Variants in PIGR observed in about 807,000 individuals in gnomAD.
The protein encoded by PIGR is hepatocellular carcinoma associated protein TB6.
In PIGR, 22 loss-of-function variants were observed where a neutral mutation model predicts 69.5. The observed-to-expected ratio is 0.32, with a 90% CI of 0.23 to 0.45. The LOEUF is 0.45. PIGR is among the 20% of genes least tolerant of loss of function. The pLI is 1.00. For missense variants in PIGR, 885 were observed against 974.0 expected (o/e 0.91, Z 1.22); for synonymous variants, 413 against 407.6 (o/e 1.01, Z -0.16).
chr1:206,933,219 C>T, intron 6 of PIGR, 53 bp from the exon 7 acceptor site: 1 of 1,577,100 alleles, frequency 6.3e-7, no homozygotes, highest in Non-Finnish European at 8.7e-7. Context: ...TGCTCTTACT[C>T]CTCGAGGTGA....
chr1:206,938,215 T>A (rs1281606212), intron 3 of PIGR, among the ~76,000 whole-genome samples: 2 of 151,942 alleles, frequency 1.3e-5, no homozygotes, highest in Non-Finnish European at 2.9e-5. Context: ...ATTACAAGAG[T>A]CTAAATGTGA....
At chr1:206,944,988 C>T (rs544674980) in intron 1 of PIGR, among the ~76,000 whole-genome samples, 1 of 152,274 alleles carries the variant, frequency 6.6e-6, no homozygotes, top group Admixed American at 6.5e-5. Context: ...AAGCCCAGGG[C>T]AAGTGGGTTT....
chr1:206,930,917 C>A lies in PIGR; in HGVS notation c.2200-504G>T. The stretch of plus-strand genomic sequence containing the variant: ...ACAACAACAACAAAAACTCTCACCT[C>A]GGGATTAAAGGCATGAGATGTTATT... On this transcript the variant is annotated intron_variant, in intron 10 of 10. Transcript: ENST00000356495. This position sits in a 1 kb window ranked among gnomAD's most constrained non-coding sequence, Gnocchi z 4.3. 1.0e-6 allele frequency: 1 copy of A among 985,408 alleles called. No individual in the cohort carries two copies. The highest frequency in any genetic ancestry group is 1.2e-6 in the Non-Finnish European group (1 of 829,924). 61.0% of individuals were successfully genotyped at this position (985,408 alleles called of 1,614,324 possible).
At chr1:206,932,683 C>A in intron 7 of PIGR, 106 bp from the exon 8 acceptor site, 1 of 1,335,000 alleles carries the variant, frequency 7.5e-7, no homozygotes. Flanking sequence ...TTTATCCACC[C>A]CACCCTGCTG....
chr1:206,933,271 G>T, intron 6 of PIGR, 105 bp from the exon 7 acceptor site: 1 of 1,181,494 alleles, frequency 8.5e-7, no homozygotes, highest in Non-Finnish European at 1.2e-6. Flanking sequence ...CAGGGTCAGG[G>T]TTCGATCTCA....
At chr1:206,932,834 C>T in intron 7 of PIGR, 152 bp downstream of exon 7, 1 of 827,424 alleles carries the variant, frequency 1.2e-6, no homozygotes, top group South Asian at 1.7e-5. Context: ...GCAGAGGGTA[C>T]CATAGGACCC....
chr1:206,934,563 T>C lies in PIGR; in HGVS notation c.1562A>G (p.Asp521Gly). ...CAGGGAGACAAGCCGGCTGTTCTCG[T>C]CACAGTTCACGAAGGCCTTGCTGGG... The part of the protein sequence containing the change: ...EGPSKAFVNC[D>G]ENSRLVSLTL... The change falls in exon 6 of 11, where the codon GAC becomes GGC. Residue 521 changes from aspartate (D) to glycine (G), a missense_variant. Physicochemically the swap from Asp to Gly is moderately conservative, Grantham distance 94. Coordinates refer to ENST00000356495, the MANE Select transcript of PIGR (RefSeq NM_002644.4). 1.9e-6 allele frequency: 3 copies of C among 1,614,258 alleles called. No homozygotes were observed. The highest frequency in any genetic ancestry group is 2.5e-6 in the Non-Finnish European group (3 of 1,180,044).
At chr1:206,942,299 G>A (rs1680002772) in intron 1 of PIGR, among the ~76,000 whole-genome samples, 1 of 152,214 alleles carries the variant, frequency 6.6e-6, no homozygotes, top group African/African-American at 2.4e-5. Context: ...AAGCAATCAG[G>A]GGACACTAGC....
At position 206,937,443 on chromosome 1, in the gene PIGR, C is replaced by T. The variant is rs1367306931; in HGVS notation, c.697G>A (p.Ala233Thr). The T allele has an allele frequency of 4.3e-6, 7 of 1,614,170 alleles. No individual in the cohort carries two copies. The South Asian group carries it at 5.5e-5, about 13-fold the overall frequency. The change falls in exon 4 of 11, where the codon GCT (alanine) becomes ACT (threonine). Residue 233 changes from alanine to threonine, a missense_variant. Coordinates refer to ENST00000356495, the MANE Select transcript of PIGR (RefSeq NM_002644.4). ...TCGGGCTTTAGCACTTGGAGGTCAG[C>T]ATTCTTCTTATTACTATTGGAATCA... ...GDDSNSNKKN[A>T]DLQVLKPEPE...
At position 206,930,475 on chromosome 1, in the gene PIGR, G is replaced by T; in HGVS notation, c.2200-62C>A. The T allele has an allele frequency of 6.4e-7, 1 of 1,551,494 alleles. No individual in the cohort carries two copies. Among genetic ancestry groups the T allele is most frequent in the Non-Finnish European group, 8.7e-7 (1 of 1,149,048 alleles). Reference sequence around the variant, plus strand: ...ACTGGCTCAGTGGGTGGAGTCAGGGGAGGGGAGGTGCTTAATGTCCTGAAT... The same window carrying T: ...ACTGGCTCAGTGGGTGGAGTCAGGGTAGGGGAGGTGCTTAATGTCCTGAAT... On this transcript the variant is annotated intron_variant, in intron 10 of 10. Coordinates refer to ENST00000356495, the MANE Select transcript of PIGR (RefSeq NM_002644.4). The surrounding 1 kb of genome is among the most constrained non-coding windows in gnomAD (Gnocchi z 4.3).
At chr1:206,931,583 C>T in intron 9 of PIGR, 28 bp from the exon 10 acceptor site, 1 of 1,613,674 alleles carries the variant, frequency 6.2e-7, no homozygotes, top group Non-Finnish European at 8.5e-7. Flanking sequence ...GTAGGTTAGC[C>T]CTTACTAGCC....
chr1:206,939,917 T>A (rs1558015287), intron 2 of PIGR, among the ~76,000 whole-genome samples: 1 of 152,226 alleles, frequency 6.6e-6, no homozygotes, highest in East Asian at 1.9e-4. Context: ...ACAAGGTTTC[T>A]CCATGTTGGC....
chr1:206,940,525 G>C lies in PIGR; in HGVS notation c.7C>G (p.Leu3Val). The change falls in exon 2 of 11, where the codon CTC (leucine) becomes GTC (valine). Residue 3 changes from leucine to valine, a missense_variant. Physicochemically the swap from Leu to Val is conservative, Grantham distance 32 (BLOSUM62 1). Transcript: ENST00000356495. ...GCCAGCAGGCAGGTGAGCACGAAGA[G>C]CAGCATTGCTGGTGGGTCCCGAGCG... ML[L>V]FVLTCLLAVF... 6.4e-7 allele frequency: 1 copy of C among 1,551,538 alleles called. No individual in the cohort carries two copies. The highest frequency in any genetic ancestry group is 8.7e-7 in the Non-Finnish European group (1 of 1,146,940).
chr1:206,938,053 T>A (rs176704), intron 3 of PIGR, among the ~76,000 whole-genome samples: 31,815 of 152,212 alleles, frequency 0.21, 8,424 homozygotes, highest in African/African-American at 0.62. Flanking sequence ...CCTTGAAGGC[T>A]GGAACATGTT....
rs772941193 is a variant in PIGR at position 206,937,289 on chromosome 1, T to C, written c.851A>G (p.Asn284Ser). ...GGCTGGGGCCCTCTTCCCCAGGGTGTTGACGACCACGTCACAGTTTTCCCC... is the reference window on the plus strand; with the variant it reads ...GGCTGGGGCCCTCTTCCCCAGGGTGCTGACGACCACGTCACAGTTTTCCCC... Reference protein sequence around the residue: ...SSGENCDVVVNTLGKRAPAFE... With the variant: ...SSGENCDVVVSTLGKRAPAFE... Residue 284 changes from asparagine (N) to serine (S), a missense_variant, in exon 4 of 11, where the codon AAC (asparagine) becomes AGC (serine). By Grantham distance (46) the Asn-to-Ser change is conservative. Transcript: ENST00000356495. 6.2e-7 allele frequency: 1 copy of C among 1,613,546 alleles called. No individual in the cohort carries two copies. The highest frequency in any genetic ancestry group is 1.7e-5 in the Admixed American group (1 of 59,924).
Position 206,934,429 on chromosome 1 carries a change from T to A in PIGR, c.1696A>T (p.Lys566Ter). ...GTCCTTGGAGACTCACCCGCTGCCTTCCTCTCTTCAACTGCCACATAGACG... is the reference window on the plus strand; with the variant it reads ...GTCCTTGGAGACTCACCCGCTGCCTACCTCTCTTCAACTGCCACATAGACG... ...AAVYVAVEERKAAGSRDVSLA... is the reference protein window; with the variant it reads ...AAVYVAVEER The change falls in exon 6 of 11, where the codon AAG becomes TAG. Residue 566 changes from lysine to a stop codon, truncating the protein, a stop_gained. Transcript: ENST00000356495. LOFTEE classifies it high-confidence loss of function. The A allele has an allele frequency of 1.9e-6, 3 of 1,612,834 alleles. No homozygotes were observed. The highest frequency in any genetic ancestry group is 2.5e-6 in the Non-Finnish European group (3 of 1,178,990).
intron 6 of PIGR, 84 bp downstream of exon 6, chr1:206,934,336 T>C: frequency 8.2e-7 from 1 of 1,225,070 alleles, no homozygotes; most frequent in Non-Finnish European, 1.1e-6. Flanking sequence ...GGGCCAGCAC[T>C]GATTGAGAAG....
intron 2 of PIGR, among the ~76,000 whole-genome samples, chr1:206,939,800 C>A (rs12567634): frequency 6.6e-6 from 1 of 152,204 alleles, no homozygotes; most frequent in East Asian, 1.9e-4. Flanking sequence ...GATCTCGGCT[C>A]ACTGCAACCT....
intron 1 of PIGR, among the ~76,000 whole-genome samples, chr1:206,943,544 C>T (rs752782764): frequency 7.9e-5 from 12 of 152,180 alleles, no homozygotes; most frequent in Non-Finnish European, 1.2e-4. Context: ...TGGATTGGGG[C>T]AGGAGTGTAA....
Sources: gnomAD v4.1 joint callset for allele counts (sites outside exome capture counted in the v4.1 genomes callset) on GRCh38, gnomAD v4.1.1 for gene constraint, Gnocchi (gnomAD v3.1) non-coding constraint, MANE v1.5 for transcripts, NCBI Gene and HGNC (gene_info 2026-07-23, HGNC 2026-07-21) for gene names.